The following CHAF1A variants were observed in gnomAD, a reference collection of about 807,000 sequenced individuals.
The protein encoded by CHAF1A is chromatin assembly factor 1 subunit A.
In CHAF1A, 5 loss-of-function variants were observed where a neutral mutation model predicts 93.2. That is an observed-to-expected ratio of 0.05 (90% CI 0.03 to 0.11). The LOEUF is 0.11. Among genes scored for constraint, CHAF1A ranks in the 10% least tolerant of loss-of-function variants. CHAF1A has a pLI of 1.00. For missense variants in CHAF1A, 1,102 were observed against 1,259.9 expected, an observed-to-expected ratio of 0.87 and a Z score of 1.90; for synonymous variants, 504 against 510.3, an observed-to-expected ratio of 0.99 and a Z score of 0.17.
chr19:4,409,624 C>G lies in CHAF1A; in HGVS notation c.825C>G (p.Phe275Leu). The stretch of plus-strand genomic sequence containing the variant: ...CTGAGAGTGAGGTGCTGGAATCTTT[C>G]CCCGAAGAAGACTCTGTACTCAGCC... ...MTPESEVLES[F>L]PEEDSVLSHS... The change falls in exon 3 of 15, where the codon TTC becomes TTG. Residue 275 changes from phenylalanine to leucine, a missense_variant. Transcript: ENST00000301280. 1 of 1,614,168 alleles carries G rather than the reference C, an allele frequency of 6.2e-7. No homozygotes were observed.
chr19:4,411,340 C>T (rs1449826368), intron 3 of CHAF1A, among the ~76,000 whole-genome samples: 3 of 152,180 alleles, frequency 2.0e-5, no homozygotes, highest in Admixed American at 6.5e-5. Flanking sequence ...AGCAATTCTC[C>T]TGCCTCACCC....
At chr19:4,446,366 C>T (rs267605469), downstream of CHAF1A, 13 of 1,573,518 alleles carry the variant, frequency 8.3e-6, no homozygotes, top group Middle Eastern at 1.7e-4. Flanking sequence ...CTCCTTCTCC[C>T]GCATGGCCTT....
downstream of CHAF1A, chr19:4,446,540 T>C: frequency 6.2e-7 from 1 of 1,612,130 alleles, no homozygotes. Context: ...GCTGTGAGGT[T>C]GAAGAAGTCC....
At chr19:4,434,136 C>T (rs969855527) in intron 13 of CHAF1A, among the ~76,000 whole-genome samples, 7 of 151,608 alleles carry the variant, frequency 4.6e-5, no homozygotes, top group African/African-American at 1.7e-4. Flanking sequence ...CACTTGAGCC[C>T]GGGAGTTGGA....
chr19:4,433,683 C>T lies in CHAF1A; in HGVS notation c.2673+144C>T, dbSNP rs999603237. 4.6e-6 allele frequency: 3 copies of T among 653,660 alleles called. No homozygotes were observed. Among genetic ancestry groups the T allele is most frequent in the Non-Finnish European group, 5.2e-6 (2 of 384,088 alleles). 40.5% of individuals were successfully genotyped at this position (653,660 alleles called of 1,614,324 possible). A position where few individuals can be genotyped will look rare whatever the true frequency, so the allele number is the denominator to read the frequency against. On this transcript the variant is annotated intron_variant, in intron 13 of 14. Coordinates refer to ENST00000301280, the MANE Select transcript of CHAF1A (RefSeq NM_005483.3). This position sits in a 1 kb window ranked among gnomAD's most constrained non-coding sequence, Gnocchi z 5.6. ...TGGCGCAATCTCAGCTCACTGCAAC[C>T]TCCTCCCTCCTGGGTTCAAGTGATT...
intron 1 of CHAF1A, among the ~76,000 whole-genome samples, chr19:4,404,651 C>G (rs1324964772): frequency 6.6e-6 from 1 of 152,144 alleles, no homozygotes; most frequent in Non-Finnish European, 1.5e-5. Context: ...AAGCCCCAGT[C>G]TGCTTTTAAA....
chr19:4,422,642 A>C lies in CHAF1A; in HGVS notation c.1094A>C (p.Lys365Thr). ...EEKEKLKEEA[K>T]RAKEEAKKKK... ...AAGGAGAAGCTGAAAGAGGAGGCCA[A>C]GCGGGCCAAGGAGGAGGCCAAGAAG... Residue 365 changes from lysine to threonine, a missense_variant, in exon 5 of 15, where the codon AAG (lysine) becomes ACG (threonine). By Grantham distance (78) the Lys-to-Thr change is moderately conservative. Coordinates refer to ENST00000301280, the MANE Select transcript of CHAF1A (RefSeq NM_005483.3). The surrounding 1 kb of genome is among the most constrained non-coding windows in gnomAD (Gnocchi z 4.6). The C allele has an allele frequency of 6.2e-7, 1 of 1,601,914 alleles. No individual in the cohort carries two copies. The highest frequency in any genetic ancestry group is 8.5e-7 in the Non-Finnish European group (1 of 1,174,244).
chr19:4,448,026 A>T, downstream of CHAF1A: 1 of 530,324 alleles, frequency 1.9e-6, no homozygotes. Flanking sequence ...CGATCCTGAG[A>T]CCCGGGGAGT....
chr19:4,419,704 T>G (rs925546233), intron 4 of CHAF1A, among the ~76,000 whole-genome samples: 3 of 152,208 alleles, frequency 2.0e-5, no homozygotes, highest in Non-Finnish European at 4.4e-5. Flanking sequence ...GTGCTGGGAC[T>G]ACAGGTGTGA....
downstream of CHAF1A, chr19:4,447,623 T>A: frequency 6.2e-7 from 1 of 1,613,838 alleles, no homozygotes; most frequent in Non-Finnish European, 8.5e-7. Context: ...GTTGTCCAGG[T>A]ACCTGGGGTA....
At chr19:4,420,583 T>C (rs994833218) in intron 4 of CHAF1A, among the ~76,000 whole-genome samples, 1 of 152,084 alleles carries the variant, frequency 6.6e-6, no homozygotes, top group Non-Finnish European at 1.5e-5. Context: ...AATGACTGAG[T>C]GTCCCAGGCC....
intron 3 of CHAF1A, among the ~76,000 whole-genome samples, chr19:4,415,685 G>C (rs1973885156): frequency 6.6e-6 from 1 of 152,076 alleles, no homozygotes; most frequent in African/African-American, 2.4e-5. Flanking sequence ...TGAACACCCT[G>C]GCCTGATCTC....
intron 13 of CHAF1A, among the ~76,000 whole-genome samples, chr19:4,437,664 A>T (rs1275920074): frequency 6.6e-6 from 1 of 152,132 alleles, no homozygotes; most frequent in African/African-American, 2.4e-5. Flanking sequence ...TAAGCCATTC[A>T]TCTGCAAGTG....
chr19:4,436,488 C>A (rs972220298), intron 13 of CHAF1A, among the ~76,000 whole-genome samples: 1 of 152,244 alleles, frequency 6.6e-6, no homozygotes. Flanking sequence ...TGGATGCATT[C>A]TTTGTTCAAG....
intron 7 of CHAF1A, 145 bp from the exon 8 acceptor site, chr19:4,428,519 T>C (rs1974124891): frequency 5.8e-6 from 4 of 686,764 alleles, no homozygotes; most frequent in South Asian, 3.8e-5. Flanking sequence ...AACTCGGCTC[T>C]GTGGACCCAC....
chr19:4,430,766 C>A, intron 11 of CHAF1A, 125 bp downstream of exon 11: 1 of 926,200 alleles, frequency 1.1e-6, no homozygotes, highest in Non-Finnish European at 1.7e-6. Context: ...GACTGCATTC[C>A]AAGCACGCAA....
At chr19:4,445,992 C>A, downstream of CHAF1A, 1 of 1,544,810 alleles carries the variant, frequency 6.5e-7, no homozygotes, top group South Asian at 1.2e-5. Context: ...CTGTGCCGGT[C>A]CCAGGAGAAC....
At chr19:4,434,137 G>A (rs528369539) in intron 13 of CHAF1A, among the ~76,000 whole-genome samples, 7 of 151,640 alleles carry the variant, frequency 4.6e-5, no homozygotes, top group Non-Finnish European at 7.4e-5. Flanking sequence ...ACTTGAGCCC[G>A]GGAGTTGGAG....
Position 4,432,187 on chromosome 19 carries a change from G to T in CHAF1A, c.2183G>T (p.Arg728Leu). The stretch of plus-strand genomic sequence containing the variant: ...GAGCAGACGCCCAAGGCCTCCAAGC[G>T]GGAGAGGAGAGACGAGCAGAGTGAG... ...QEEQTPKASK[R>L]ERRDEQILAQ... Residue 728 changes from arginine to leucine, a missense_variant, in exon 12 of 15, where the codon CGG becomes CTG. Transcript: ENST00000301280. The T allele has an allele frequency of 1.2e-6, 2 of 1,608,924 alleles. No homozygotes were observed. Among genetic ancestry groups the T allele is most frequent in the Non-Finnish European group, 1.7e-6 (2 of 1,177,824 alleles).
Sources: allele counts gnomAD v4.1 joint callset (sites outside exome capture counted in the v4.1 genomes callset), GRCh38; gene constraint gnomAD v4.1.1; non-coding constraint Gnocchi (gnomAD v3.1); transcripts MANE v1.5; gene names NCBI Gene and HGNC (gene_info 2026-07-23, HGNC 2026-07-21).